The following TXLNB variants were observed in gnomAD, a reference collection of about 807,000 sequenced individuals.
TXLNB encodes beta-taxilin.
A neutral mutation model predicts 57.4 loss-of-function variants in TXLNB; 37 were observed. The observed-to-expected ratio is 0.64, with a 90% confidence interval of 0.50 to 0.85. TXLNB has a LOEUF of 0.85. Ranked by LOEUF, TXLNB falls within the 40% of genes least tolerant of loss-of-function variation. The pLI, the probability that TXLNB is intolerant of heterozygous loss-of-function variation, is 0.00. For synonymous variants in TXLNB, 302 were observed against 309.6 expected (o/e 0.98, Z 0.26); for missense variants, 848 against 825.6 (o/e 1.03, Z -0.33).
At position 139,243,064 on chromosome 6, in the gene TXLNB, G is replaced by A; in HGVS notation, c.1517C>T (p.Ala506Val). 6.2e-7 allele frequency: 1 copy of A among 1,614,204 alleles called. No homozygotes were observed. The highest frequency in any genetic ancestry group is 8.5e-7 in the Non-Finnish European group (1 of 1,180,038). ...CTCTGGATGATGAATTATCATGAAG[G>A]CTGTGGCCAGATTTTTCACGGCGGT... ...VQTAVKNLATAFMIIHHPEST... is the reference protein window; with the variant it reads ...VQTAVKNLATVFMIIHHPEST... Residue 506 changes from alanine (A) to valine (V), a missense_variant, in exon 10 of 10, where the codon GCC (alanine) becomes GTC (valine). Transcript: ENST00000358430.
the TXLNB span, chr6:139,166,812 G>C: frequency 6.2e-7 from 1 of 1,613,590 alleles, no homozygotes. Context: ...TCCCCCGGTG[G>C]CTCCCCGGGC....
chr6:139,168,631 C>T, the TXLNB span, among the ~76,000 whole-genome samples: 1 of 151,952 alleles, frequency 6.6e-6, no homozygotes, highest in Non-Finnish European at 1.5e-5. Context: ...AGCTGTCCTT[C>T]TAGGAATGCC....
intron 4 of TXLNB, among the ~76,000 whole-genome samples, chr6:139,268,072 C>T (rs1776659719): frequency 2.0e-5 from 3 of 150,902 alleles, no homozygotes; most frequent in Admixed American, 2.0e-4. Flanking sequence ...ATTGCTTGAA[C>T]CCGGGAGGCG....
intron 4 of TXLNB, 142 bp from the exon 5 acceptor site, chr6:139,262,915 A>C (rs1776523193): frequency 1.3e-6 from 1 of 751,610 alleles, no homozygotes; most frequent in Non-Finnish European, 2.1e-6. Context: ...GCTCAGCCCC[A>C]AAATAAATGT....
At chr6:139,260,122 A>T (rs6904445) in intron 6 of TXLNB, among the ~76,000 whole-genome samples, 196 bp downstream of exon 6, 13,725 of 152,066 alleles carry the variant, frequency 0.09, 939 homozygotes, top group African/African-American at 0.19. Context: ...CTACTTGGGG[A>T]GGCAGGAGAA....
chr6:139,224,881 G>A, the TXLNB span, among the ~76,000 whole-genome samples: 6 of 151,886 alleles, frequency 4.0e-5, no homozygotes, highest in East Asian at 5.8e-4. Context: ...TGACAAGAAC[G>A]TTGTAAAAAA....
At chr6:139,236,557 C>T (rs534603851), downstream of TXLNB, among the ~76,000 whole-genome samples, 3 of 152,338 alleles carry the variant, frequency 2.0e-5, no homozygotes, top group South Asian at 6.2e-4. Flanking sequence ...AAGGCACCTG[C>T]TTCTCCTTTG....
chr6:139,264,243 G>A (rs767528569), intron 4 of TXLNB, among the ~76,000 whole-genome samples: 2 of 152,158 alleles, frequency 1.3e-5, no homozygotes, highest in African/African-American at 4.8e-5. Flanking sequence ...TTACCAGTTA[G>A]GAGCAACTAA....
Position 139,246,386 on chromosome 6 carries a change from G to A in TXLNB, c.1170+1431C>T, listed in dbSNP as rs565055389. Among the ~76,000 whole-genome samples, 181 of 152,218 alleles carry A rather than the reference G, an allele frequency of 1.2e-3. 3 individuals carry two copies. The South Asian group carries it at 0.035, about 29-fold the overall frequency. ...ATATTTTAAAAATATATTTTAAGAG[G>A]ATGTTTTCTACACCTCAAAACCATT... is the stretch of plus-strand genomic sequence containing the variant. On this transcript the variant is annotated intron_variant, in intron 8 of 9. Coordinates refer to ENST00000358430, the MANE Select transcript of TXLNB (RefSeq NM_153235.4).
the TXLNB span, among the ~76,000 whole-genome samples, chr6:139,172,248 G>C: frequency 6.6e-6 from 1 of 152,196 alleles, no homozygotes; most frequent in East Asian, 1.9e-4. Context: ...ACAGGCATGA[G>C]CCACTGTGCC....
the TXLNB span, among the ~76,000 whole-genome samples, chr6:139,191,303 G>A: frequency 5.2e-3 from 791 of 152,120 alleles, 5 homozygotes; most frequent in African/African-American, 0.018. Context: ...CTGTAATCCC[G>A]GCTATTTGGG....
chr6:139,243,099 A>T lies in TXLNB; in HGVS notation c.1482T>A (p.Asn494Lys). 1 of 1,614,150 alleles carries T rather than the reference A, an allele frequency of 6.2e-7. No individual in the cohort carries two copies. Among genetic ancestry groups the T allele is most frequent in the Non-Finnish European group, 8.5e-7 (1 of 1,180,016 alleles). ...VDQEIDAEEV[N>K]SVQTAVKNLA... ...GATTTTTCACGGCGGTTTGGACACT[A>T]TTAACCTCCTCTGCGTCAATCTCTT... Residue 494 changes from asparagine (N) to lysine (K), a missense_variant, in exon 10 of 10, where the codon AAT becomes AAA. Transcript: ENST00000358430.
intron 3 of TXLNB, 91 bp from the exon 4 acceptor site, chr6:139,270,717 G>T: frequency 8.5e-7 from 1 of 1,173,980 alleles, no homozygotes. Context: ...TTACTCTGTG[G>T]TTGTTTGGAA....
the TXLNB span, chr6:139,167,105 C>T: frequency 6.2e-7 from 1 of 1,614,208 alleles, no homozygotes; most frequent in Non-Finnish European, 8.5e-7. Context: ...GAACACTTTC[C>T]ACGTGCGCAT....
At chr6:139,163,396 T>C in the TXLNB span, among the ~76,000 whole-genome samples, 1 of 148,628 alleles carries the variant, frequency 6.7e-6, no homozygotes, top group Admixed American at 7.0e-5. Flanking sequence ...ACTGTGCCAC[T>C]CAGGCTGGTG....
At chr6:139,212,776 G>A in the TXLNB span, among the ~76,000 whole-genome samples, 1 of 152,178 alleles carries the variant, frequency 6.6e-6, no homozygotes, top group Non-Finnish European at 1.5e-5. Context: ...ATAAAGGGAT[G>A]CAGGAAGATC....
chr6:139,314,861 C>T, the TXLNB span, among the ~76,000 whole-genome samples: 1 of 152,182 alleles, frequency 6.6e-6, no homozygotes, highest in African/African-American at 2.4e-5. Context: ...GGAAGGAATT[C>T]AGTTTGTGGT....
the TXLNB span, among the ~76,000 whole-genome samples, chr6:139,224,826 T>C: frequency 6.6e-6 from 1 of 151,970 alleles, no homozygotes; most frequent in Non-Finnish European, 1.5e-5. Context: ...ATACACAAAC[T>C]TTTCCCCCAA....
At chr6:139,309,801 C>T in the TXLNB span, among the ~76,000 whole-genome samples, 214 of 151,972 alleles carry the variant, frequency 1.4e-3, no homozygotes, top group African/African-American at 4.9e-3. Flanking sequence ...ATAAAAGGGC[C>T]CTGGAAACCC....
Sources: allele counts gnomAD v4.1 joint callset (sites outside exome capture counted in the v4.1 genomes callset), GRCh38; gene constraint gnomAD v4.1.1; transcripts MANE v1.5; gene names NCBI Gene and HGNC (gene_info 2026-07-23, HGNC 2026-07-21).